Variants in ELAVL2 observed in about 807,000 individuals in gnomAD.
The protein encoded by ELAVL2 is ELAV-like protein 2.
In ELAVL2, 4 loss-of-function variants were observed where a neutral mutation model predicts 34.6. The ratio of observed to expected loss-of-function variants is 0.12; its 90% CI spans 0.06 to 0.26. The LOEUF (loss-of-function observed/expected upper bound fraction) is 0.26, where lower values mean the gene tolerates loss of function less well. Ranked by LOEUF, ELAVL2 falls within the 10% of genes least tolerant of loss-of-function variation. The pLI is 1.00. For synonymous variants in ELAVL2, 193 were observed against 154.8 expected (o/e 1.25, Z -1.83); for missense variants, 432 against 442.8 (o/e 0.98, Z 0.22).
intron 1 of ELAVL2, among the ~76,000 whole-genome samples, chr9:23,808,826 C>G (rs1051040067): frequency 6.6e-6 from 1 of 152,048 alleles, no homozygotes; most frequent in African/African-American, 2.4e-5. Flanking sequence ...CCAGAAAATT[C>G]CTTAAGGAGT....
chr9:23,726,411 G>C (rs2045175132), intron 3 of ELAVL2, among the ~76,000 whole-genome samples: 1 of 152,048 alleles, frequency 6.6e-6, no homozygotes, highest in Non-Finnish European at 1.5e-5. Context: ...CTTTAATCAA[G>C]ACCAAAATCG....
chr9:23,822,551 T>C (rs2064959508), intron 1 of ELAVL2, among the ~76,000 whole-genome samples: 1 of 152,080 alleles, frequency 6.6e-6, no homozygotes, highest in African/African-American at 2.4e-5. Context: ...GCTCAATCCC[T>C]TTTCCCCAGA....
At chr9:23,765,534 T>A (rs1361161832) in intron 1 of ELAVL2, among the ~76,000 whole-genome samples, 1 of 152,182 alleles carries the variant, frequency 6.6e-6, no homozygotes, top group African/African-American at 2.4e-5. Context: ...AAAAGCACTC[T>A]TTCCCCAAAA....
intron 1 of ELAVL2, among the ~76,000 whole-genome samples, chr9:23,786,103 T>G (rs949628695): frequency 1.3e-5 from 2 of 152,194 alleles, no homozygotes; most frequent in Non-Finnish European, 2.9e-5. Flanking sequence ...TTGTGATAAA[T>G]GCAGAGTATT....
chr9:23,692,326 C>A lies in ELAVL2; in HGVS notation c.*231G>T. On this transcript the variant is annotated 3_prime_UTR_variant, in exon 7 of 7. Transcript: ENST00000397312. ...AAGAAGGCAATAGAATGCAATGTGA[C>A]AGGTAAAAACCCTGTACCTCTTGTC... The A allele has an allele frequency of 2.1e-6, 1 of 472,914 alleles. No homozygotes were observed. Among genetic ancestry groups the A allele is most frequent in the Non-Finnish European group, 3.7e-6 (1 of 270,954 alleles). The allele number at this position is 472,914 out of a possible 1,614,324, so 29.3% of individuals were successfully genotyped here.
chr9:23,760,813 G>C (rs62541662), intron 2 of ELAVL2, among the ~76,000 whole-genome samples: 2 of 152,146 alleles, frequency 1.3e-5, no homozygotes, highest in African/African-American at 2.4e-5. Context: ...TTGTCTCTGT[G>C]AATCTCAATC....
At chr9:23,807,195 T>C (rs556523328) in intron 1 of ELAVL2, among the ~76,000 whole-genome samples, 1 of 152,270 alleles carries the variant, frequency 6.6e-6, no homozygotes, top group South Asian at 2.1e-4. Flanking sequence ...CAAGTAAGCT[T>C]AATAATCTAA....
At chr9:23,829,117 C>T (rs540357569), upstream of ELAVL2, among the ~76,000 whole-genome samples, 1 of 152,300 alleles carries the variant, frequency 6.6e-6, no homozygotes, top group South Asian at 2.1e-4. Context: ...GTTATATGAA[C>T]TCTGACATAT....
At chr9:23,739,653 G>A (rs1336655111) in intron 2 of ELAVL2, among the ~76,000 whole-genome samples, 1 of 151,488 alleles carries the variant, frequency 6.6e-6, no homozygotes, top group East Asian at 2.0e-4. Flanking sequence ...TGAAGGCAAA[G>A]GAACTGTATT....
At chr9:23,803,108 A>C (rs2061769328) in intron 1 of ELAVL2, among the ~76,000 whole-genome samples, 1 of 152,256 alleles carries the variant, frequency 6.6e-6, no homozygotes, top group East Asian at 1.9e-4. Context: ...TAAACCTTAG[A>C]ACAGCTTCCA....
At chr9:23,702,865 C>G (rs1028483676) in intron 4 of ELAVL2, among the ~76,000 whole-genome samples, 1 of 139,366 alleles carries the variant, frequency 7.2e-6, no homozygotes, top group Non-Finnish European at 1.5e-5. Context: ...GAAATGATAG[C>G]AAATCCTTTC....
At chr9:23,726,728 G>GCAAA (rs2045282304) in intron 3 of ELAVL2, among the ~76,000 whole-genome samples, 1 of 152,060 alleles carries the variant, frequency 6.6e-6, no homozygotes, top group Non-Finnish European at 1.5e-5. Flanking sequence ...ATTTTAGTTT[G>GCAAA]CTAATCATGA....
chr9:23,720,224 G>A (rs577158816), intron 3 of ELAVL2, among the ~76,000 whole-genome samples: 16 of 151,684 alleles, frequency 1.1e-4, no homozygotes, highest in Middle Eastern at 6.9e-3. Context: ...CCAGGCTAGG[G>A]TGCAGTGGTG....
chr9:23,740,079 T>TA (rs1329311607), intron 2 of ELAVL2, among the ~76,000 whole-genome samples: 28 of 149,718 alleles, frequency 1.9e-4, no homozygotes, highest in Admixed American at 3.4e-4. Flanking sequence ...ACATTTTTCT[T>TA]AAAAAAATCA....
chr9:23,822,189 T>G (rs932287979), intron 1 of ELAVL2, among the ~76,000 whole-genome samples: 5 of 152,104 alleles, frequency 3.3e-5, no homozygotes, highest in African/African-American at 1.2e-4. Flanking sequence ...ATAAATGTAT[T>G]TATAAATATA....
chr9:23,750,449 A>G (rs1407197762), intron 2 of ELAVL2, among the ~76,000 whole-genome samples: 1 of 152,196 alleles, frequency 6.6e-6, no homozygotes, highest in African/African-American at 2.4e-5. Flanking sequence ...ATAAAGGTCT[A>G]AAAACAAACC....
intron 1 of ELAVL2, among the ~76,000 whole-genome samples, chr9:23,808,554 A>T (rs892441650): frequency 6.6e-6 from 1 of 152,182 alleles, no homozygotes; most frequent in African/African-American, 2.4e-5. Flanking sequence ...AATCAAAAAG[A>T]GCAAAATGCC....
chr9:23,783,614 T>C (rs2059343427), intron 1 of ELAVL2: 1 of 556,144 alleles, frequency 1.8e-6, no homozygotes, highest in African/African-American at 2.1e-5. Context: ...AGGACAGACA[T>C]CTGCATTCAT....
chr9:23,798,806 T>C (rs1371494972), intron 1 of ELAVL2, among the ~76,000 whole-genome samples: 1 of 152,132 alleles, frequency 6.6e-6, no homozygotes, highest in Admixed American at 6.5e-5. Context: ...TTTAAAATGG[T>C]TCCCAGGCAC....
Sources: gnomAD v4.1 joint callset for allele counts (sites outside exome capture counted in the v4.1 genomes callset) on GRCh38, gnomAD v4.1.1 for gene constraint, MANE v1.5 for transcripts, NCBI Gene and HGNC (gene_info 2026-07-23, HGNC 2026-07-21) for gene names.